Variants in ELAPOR2 observed in about 807,000 individuals in gnomAD.
ELAPOR2 encodes the protein endosome/lysosome-associated apoptosis and autophagy regulator family member 2.
ELAPOR2 carries 89 observed loss-of-function variants against 120.7 expected under a neutral mutation model. That is an observed-to-expected ratio of 0.74 (90% CI 0.62 to 0.88). The LOEUF is 0.88. Among genes scored for constraint, ELAPOR2 ranks in the 40% least tolerant of loss-of-function variants. The probability of loss-of-function intolerance (pLI) is 0.00; values close to 1 mark genes in which losing one functional copy is unlikely to be tolerated. For missense variants in ELAPOR2, 1,134 were observed against 1,251.6 expected (o/e 0.91, Z 1.42); for synonymous variants, 444 against 444.9 (o/e 1.00, Z 0.03).
Position 86,947,751 on chromosome 7 carries a change from T to A in ELAPOR2, c.482A>T (p.Asp161Val), listed in dbSNP as rs1160160690. Residue 161 changes from aspartate to valine, a missense_variant, in exon 3 of 22, where the codon GAC (aspartate) becomes GTC (valine). This residue lies in a region of ELAPOR2 where 280 missense variants were observed against 331.5 expected (regional missense o/e 0.84). Coordinates refer to ENST00000450689, the MANE Select transcript of ELAPOR2 (RefSeq NM_001142749.3). Reference sequence around the variant, plus strand: ...CTTGTTACAGCCGTCTGGCCTGCTGTCAGAAGGGCCCACCACAGTGTCCAT... The same window carrying A: ...CTTGTTACAGCCGTCTGGCCTGCTGACAGAAGGGCCCACCACAGTGTCCAT... ...TFMDTVVGPS[D>V]SRPDGCNNSS... The A allele has an allele frequency of 2.6e-6, 4 of 1,551,608 alleles. No individual in the cohort carries two copies. The highest frequency in any genetic ancestry group is 1.4e-5 in the African/African-American group (1 of 73,160).
intron 2 of ELAPOR2, among the ~76,000 whole-genome samples, chr7:86,948,496 G>C (rs1048995027): frequency 2.0e-5 from 3 of 152,124 alleles, no homozygotes; most frequent in African/African-American, 7.2e-5. Flanking sequence ...ACTAAGTCCA[G>C]ATAAAATGCT....
chr7:86,923,458 T>C (rs997728775), intron 10 of ELAPOR2, among the ~76,000 whole-genome samples: 2 of 152,064 alleles, frequency 1.3e-5, no homozygotes, highest in Non-Finnish European at 2.9e-5. Context: ...CTAATTTTAA[T>C]AACTTAACAA....
At chr7:86,968,230 G>C (rs1478688659) in intron 1 of ELAPOR2, among the ~76,000 whole-genome samples, 1 of 152,148 alleles carries the variant, frequency 6.6e-6, no homozygotes, top group Admixed American at 6.5e-5. Context: ...AACCACAGAT[G>C]CAAGTAAACA....
chr7:87,000,756 A>T (rs1793290870), intron 1 of ELAPOR2, among the ~76,000 whole-genome samples: 1 of 152,148 alleles, frequency 6.6e-6, no homozygotes. Context: ...ACTGACCCCT[A>T]TCAAAAAGTA....
chr7:87,018,850 A>AC (rs1793950361), intron 1 of ELAPOR2, among the ~76,000 whole-genome samples: 1 of 152,186 alleles, frequency 6.6e-6, no homozygotes, highest in Non-Finnish European at 1.5e-5. Context: ...TAGTTTTTTT[A>AC]TAAGTCACTG....
At chr7:86,883,452 T>C (rs1799519899) in intron 21 of ELAPOR2, among the ~76,000 whole-genome samples, 1 of 152,226 alleles carries the variant, frequency 6.6e-6, no homozygotes, top group Non-Finnish European at 1.5e-5. Flanking sequence ...TGCAACGATA[T>C]TTATAGTAGC....
intron 1 of ELAPOR2, among the ~76,000 whole-genome samples, chr7:86,999,931 C>T (rs1161143438): frequency 6.6e-6 from 1 of 152,086 alleles, no homozygotes; most frequent in Non-Finnish European, 1.5e-5. Flanking sequence ...GTCTAAATGT[C>T]AACACCTAGA....
At chr7:86,920,685 C>T (rs972451800) in intron 10 of ELAPOR2, 1 of 152,106 alleles carries the variant, frequency 6.6e-6, no homozygotes, top group Non-Finnish European at 1.5e-5. Context: ...CCAATGTCCT[C>T]CACTTTTTCC....
chr7:87,031,212 T>C (rs1302958253), intron 1 of ELAPOR2, among the ~76,000 whole-genome samples: 1 of 152,190 alleles, frequency 6.6e-6, no homozygotes, highest in African/African-American at 2.4e-5. Context: ...AACTTTTTTC[T>C]TGCTCAAATG....
intron 1 of ELAPOR2, among the ~76,000 whole-genome samples, chr7:87,030,218 C>A (rs1436442838): frequency 2.0e-5 from 3 of 152,100 alleles, no homozygotes; most frequent in Non-Finnish European, 4.4e-5. Flanking sequence ...AGGGTGATCA[C>A]CTACTGCTAC....
rs1789702939 is a variant in ELAPOR2 at position 86,919,151 on chromosome 7, C to T, written c.1490+69G>A. ...TAATATGTTCCATAAAGTAGCCCTA[C>T]TTCTTTATTTCTGTGGGGAAACAGG... On this transcript the variant is annotated intron_variant, in intron 11 of 21. Coordinates refer to ENST00000450689, the MANE Select transcript of ELAPOR2 (RefSeq NM_001142749.3). 3 of 1,134,278 alleles carry T rather than the reference C, an allele frequency of 2.6e-6. No individual in the cohort carries two copies. The Admixed American group carries it at 5.5e-5, about 21-fold the overall frequency. 70.3% of individuals were successfully genotyped at this position (1,134,278 alleles called of 1,614,324 possible).
intron 1 of ELAPOR2, among the ~76,000 whole-genome samples, chr7:87,016,553 C>T (rs1185127426): frequency 1.3e-5 from 2 of 151,488 alleles, no homozygotes; most frequent in Non-Finnish European, 2.9e-5. Context: ...AAGAGCAATG[C>T]CCCAAAAATT....
intron 17 of ELAPOR2, 73 bp from the exon 18 acceptor site, chr7:86,907,844 T>C (rs1789100212): frequency 2.7e-6 from 2 of 753,712 alleles, no homozygotes; most frequent in South Asian, 2.4e-5. Flanking sequence ...ATGGGAATAA[T>C]TGCTCTCAGA....
intron 2 of ELAPOR2, among the ~76,000 whole-genome samples, chr7:86,951,889 T>C (rs557337569): frequency 1.3e-5 from 2 of 152,316 alleles, no homozygotes; most frequent in South Asian, 2.1e-4. Context: ...ATCTAACACA[T>C]GTATTTTTCT....
intron 2 of ELAPOR2, among the ~76,000 whole-genome samples, chr7:86,961,729 T>A (rs571135156): frequency 6.6e-5 from 10 of 152,336 alleles, no homozygotes; most frequent in African/African-American, 1.9e-4. Context: ...AGGGGTTACA[T>A]CCCTTTGGTC....
chr7:86,992,266 A>C (rs1792967522), intron 1 of ELAPOR2, among the ~76,000 whole-genome samples: 2 of 152,106 alleles, frequency 1.3e-5, no homozygotes, highest in African/African-American at 4.8e-5. Flanking sequence ...TATCTCTATG[A>C]AAAAAGTTTA....
intron 3 of ELAPOR2, among the ~76,000 whole-genome samples, chr7:86,945,435 C>T (rs17697878): frequency 0.11 from 17,407 of 152,036 alleles, 1,048 homozygotes; most frequent in East Asian, 0.14. Context: ...ATGATAAATA[C>T]GTAGATTAAC....
At position 86,943,462 on chromosome 7, in the gene ELAPOR2, T is replaced by C. The variant is rs1288120409; in HGVS notation, c.655-1358A>G. Among the ~76,000 whole-genome samples, 8 of 151,998 alleles carry C rather than the reference T, an allele frequency of 5.3e-5. No individual in the cohort carries two copies. In the South Asian group the frequency reaches 6.2e-4, roughly 12 times the overall value. ...CCATTAACCATTAGTATGATGACCA[T>C]GAAGTTTTGACCTTCTGAGTCAATA... is the stretch of plus-strand genomic sequence containing the variant. On this transcript the variant is annotated intron_variant, in intron 4 of 21. Transcript: ENST00000450689.
intron 1 of ELAPOR2, among the ~76,000 whole-genome samples, chr7:86,997,196 G>C (rs1482364273): frequency 6.6e-6 from 1 of 152,088 alleles, no homozygotes; most frequent in Admixed American, 6.6e-5. Context: ...TTGAAAAGTT[G>C]TTATCAAACG....
Sources: gnomAD v4.1 joint callset for allele counts (sites outside exome capture counted in the v4.1 genomes callset) on GRCh38, gnomAD v4.1.1 for gene constraint, gnomAD v4.1.1 regional missense constraint, MANE v1.5 for transcripts, NCBI Gene and HGNC (gene_info 2026-07-23, HGNC 2026-07-21) for gene names.